Variants in PAK5 observed in about 807,000 individuals in gnomAD.
PAK5 encodes the protein serine/threonine-protein kinase PAK 5.
In PAK5, 16 loss-of-function variants were observed where a neutral mutation model predicts 65.9. The ratio of observed to expected loss-of-function variants is 0.24; its 90% CI spans 0.16 to 0.37. The LOEUF is 0.37. Among genes scored for constraint, PAK5 ranks in the 10% least tolerant of loss-of-function variants. The pLI is 1.00. For synonymous variants in PAK5, 371 were observed against 354.9 expected (o/e 1.05, Z -0.51); for missense variants, 785 against 903.9 (o/e 0.87, Z 1.69).
chr20:9,599,037 C>T (rs181155781), intron 3 of PAK5, among the ~76,000 whole-genome samples: 36 of 152,258 alleles, frequency 2.4e-4, no homozygotes, highest in Non-Finnish European at 4.9e-4. Flanking sequence ...CCCCTTCCCT[C>T]CAGCCCCTGG....
At chr20:9,710,463 T>C (rs934955195) in intron 2 of PAK5, among the ~76,000 whole-genome samples, 6 of 152,194 alleles carry the variant, frequency 3.9e-5, no homozygotes, top group Non-Finnish European at 8.8e-5. Flanking sequence ...ACCCTGCATA[T>C]GGAAATTAGA....
rs187163789 is a variant in PAK5 at position 9,589,344 on chromosome 20, T to C, written c.205-8414A>G. On this transcript the variant is annotated intron_variant, in intron 3 of 9. Coordinates refer to ENST00000353224, the MANE Select transcript of PAK5 (RefSeq NM_177990.4). Reference sequence around the variant, plus strand: ...TCACAACAAACAGATTTGATCTACTTAGATCCTTATAGGAAGAAACGGTAA... The same window carrying C: ...TCACAACAAACAGATTTGATCTACTCAGATCCTTATAGGAAGAAACGGTAA... 1.4e-4 allele frequency among the ~76,000 whole-genome samples: 22 copies of C among 152,364 alleles called. No individual in the cohort carries two copies. In the East Asian group the frequency reaches 2.9e-3, roughly 20 times the overall value.
chr20:9,649,539 C>T (rs1367734110), intron 2 of PAK5, among the ~76,000 whole-genome samples: 1 of 152,248 alleles, frequency 6.6e-6, no homozygotes, highest in Non-Finnish European at 1.5e-5. Context: ...AACCTGTTCT[C>T]AGGGACAGCC....
At chr20:9,691,774 C>T (rs893564630) in intron 2 of PAK5, among the ~76,000 whole-genome samples, 2 of 152,160 alleles carry the variant, frequency 1.3e-5, no homozygotes, top group African/African-American at 2.4e-5. Flanking sequence ...CCCATTTCTT[C>T]ACAGAACAAT....
intron 3 of PAK5, among the ~76,000 whole-genome samples, chr20:9,639,789 G>A (rs2047027975): frequency 6.6e-6 from 1 of 152,204 alleles, no homozygotes; most frequent in Non-Finnish European, 1.5e-5. Flanking sequence ...ACTCTCAGTG[G>A]GACTGATTGT....
chr20:9,647,124 A>G (rs2047144740), intron 2 of PAK5, among the ~76,000 whole-genome samples: 1 of 152,240 alleles, frequency 6.6e-6, no homozygotes, highest in South Asian at 2.1e-4. Flanking sequence ...GCTGCTTCAA[A>G]GTTTCAAGTA....
chr20:9,815,099 G>T (rs1056715334), intron 1 of PAK5, among the ~76,000 whole-genome samples: 1 of 152,116 alleles, frequency 6.6e-6, no homozygotes, highest in Non-Finnish European at 1.5e-5. Context: ...TCAACAACTA[G>T]TTCTTGCAGG....
At chr20:9,632,805 G>T (rs144108065) in intron 3 of PAK5, among the ~76,000 whole-genome samples, 1 of 152,198 alleles carries the variant, frequency 6.6e-6, no homozygotes, top group Non-Finnish European at 1.5e-5. Flanking sequence ...ACTTAGCATC[G>T]TTTATGCACA....
intron 1 of PAK5, among the ~76,000 whole-genome samples, chr20:9,788,320 T>C (rs954732458): frequency 6.6e-6 from 1 of 152,030 alleles, no homozygotes; most frequent in Admixed American, 6.6e-5. Flanking sequence ...TCTTTATTGA[T>C]ACCTCATTCT....
chr20:9,693,222 A>G (rs928966926), intron 2 of PAK5, among the ~76,000 whole-genome samples: 2 of 152,140 alleles, frequency 1.3e-5, no homozygotes, highest in Non-Finnish European at 2.9e-5. Flanking sequence ...AGGGGATAAA[A>G]GTGGCACTCC....
chr20:9,619,685 G>A (rs780050669), intron 3 of PAK5, among the ~76,000 whole-genome samples: 3 of 152,210 alleles, frequency 2.0e-5, no homozygotes, highest in Admixed American at 6.5e-5. Context: ...GAGTCTCTCC[G>A]TGCTGCCTTC....
At chr20:9,553,342 T>A (rs900803900) in intron 7 of PAK5, among the ~76,000 whole-genome samples, 1 of 152,184 alleles carries the variant, frequency 6.6e-6, no homozygotes, top group Non-Finnish European at 1.5e-5. Context: ...GGAGACTGTG[T>A]AGAACAGTGC....
intron 3 of PAK5, among the ~76,000 whole-genome samples, chr20:9,604,039 T>A (rs914009904): frequency 8.5e-5 from 13 of 152,230 alleles, no homozygotes; most frequent in African/African-American, 3.1e-4. Context: ...CACAAATTAT[T>A]GATATCAGGG....
intron 1 of PAK5, among the ~76,000 whole-genome samples, chr20:9,830,950 G>T (rs896844729): frequency 6.6e-6 from 1 of 152,180 alleles, no homozygotes; most frequent in Non-Finnish European, 1.5e-5. Context: ...GTTTGGTTTG[G>T]TTTTGGCTTT....
chr20:9,710,585 T>C (rs1369638499), intron 2 of PAK5, among the ~76,000 whole-genome samples: 1 of 152,200 alleles, frequency 6.6e-6, no homozygotes, highest in African/African-American at 2.4e-5. Context: ...GTATCTTTTA[T>C]GTGGGTAAGA....
intron 4 of PAK5, 65 bp downstream of exon 4, chr20:9,580,080 T>G: frequency 7.4e-7 from 1 of 1,356,248 alleles, no homozygotes; most frequent in Non-Finnish European, 1.0e-6. Flanking sequence ...TATAAAAAGG[T>G]CGTGCCAGCA....
At chr20:9,733,552 C>G (rs1450675131) in intron 1 of PAK5, among the ~76,000 whole-genome samples, 2 of 152,080 alleles carry the variant, frequency 1.3e-5, no homozygotes, top group African/African-American at 4.8e-5. Flanking sequence ...TCAAGCAGTT[C>G]TCCTGCCTCA....
chr20:9,784,038 T>TA lies in PAK5; in HGVS notation c.-162+54723dup, dbSNP rs543936080. ...CTGTAATTTAAGTCTCATGAAATGT[T>TA]AAAAAAAATAAAATTAAGTAGCAGA... On this transcript the variant is annotated intron_variant, in intron 1 of 9. Coordinates refer to ENST00000353224, the MANE Select transcript of PAK5 (RefSeq NM_177990.4). Among the ~76,000 whole-genome samples the TA allele has an allele frequency of 2.3e-3, 350 of 152,038 alleles. 3 individuals carry two copies. The highest frequency in any genetic ancestry group is 8.2e-3 in the African/African-American group (340 of 41,494).
At chr20:9,750,164 A>G (rs1283799728) in intron 1 of PAK5, among the ~76,000 whole-genome samples, 3 of 151,300 alleles carry the variant, frequency 2.0e-5, no homozygotes, top group African/African-American at 7.3e-5. Flanking sequence ...GGAAATTACT[A>G]CTCTCTTGGT....
Sources: allele counts gnomAD v4.1 joint callset (sites outside exome capture counted in the v4.1 genomes callset), GRCh38; gene constraint gnomAD v4.1.1; transcripts MANE v1.5; gene names NCBI Gene and HGNC (gene_info 2026-07-23, HGNC 2026-07-21).